B3GLCT: variants seen among roughly 807,000 people sequenced by gnomAD.
B3GLCT encodes the protein beta 3-glucosyltransferase, also known as beta-1,3-glucosyltransferase.
B3GLCT carries 65 observed loss-of-function variants against 63.4 expected under a neutral mutation model. The ratio of observed to expected loss-of-function variants is 1.03; its 90% CI spans 0.84 to 1.26. B3GLCT has a LOEUF of 1.26. B3GLCT is among the 50% of genes most tolerant of loss of function. The pLI is 0.00. For synonymous variants in B3GLCT, 233 were observed against 219.2 expected (o/e 1.06, Z -0.55); for missense variants, 577 against 604.8 (o/e 0.95, Z 0.48).
At chr13:31,225,165 C>T (rs1465931301) in intron 3 of B3GLCT, among the ~76,000 whole-genome samples, 1 of 152,216 alleles carries the variant, frequency 6.6e-6, no homozygotes, top group Non-Finnish European at 1.5e-5. Flanking sequence ...GTGTGCGGCC[C>T]ATTTATTGCC....
intron 12 of B3GLCT, among the ~76,000 whole-genome samples, chr13:31,315,631 G>A (rs1593316802): frequency 1.3e-5 from 2 of 152,346 alleles, no homozygotes; most frequent in African/African-American, 2.4e-5. Flanking sequence ...CTGACTGTGA[G>A]GTGAAAAAGA....
At chr13:31,210,217 A>G (rs905442380) in intron 1 of B3GLCT, among the ~76,000 whole-genome samples, 1 of 152,250 alleles carries the variant, frequency 6.6e-6, no homozygotes, top group East Asian at 1.9e-4. Context: ...CACTTTAAAT[A>G]TAGTTCCCTG....
At chr13:31,249,816 G>T (rs1195944592) in intron 6 of B3GLCT, among the ~76,000 whole-genome samples, 1 of 152,122 alleles carries the variant, frequency 6.6e-6, no homozygotes, top group Non-Finnish European at 1.5e-5. Context: ...AAACCAGTGT[G>T]ATTTTTTTGT....
At position 31,200,054 on chromosome 13, in the gene B3GLCT, C is replaced by A; in HGVS notation, c.-31C>A. On this transcript the variant is annotated 5_prime_UTR_variant, in exon 1 of 15. Transcript: ENST00000343307. ...CCCCGCGCGTCTCCCTTCCCCGCGC[C>A]CAGGTAGGGCGCTCAGCCTCCGCCG... The A allele has an allele frequency of 7.5e-7, 1 of 1,324,656 alleles. No individual in the cohort carries two copies. The highest frequency in any genetic ancestry group is 9.8e-7 in the Non-Finnish European group (1 of 1,025,330). The allele number at this position is 1,324,656 out of a possible 1,614,324, so 82.1% of individuals were successfully genotyped here.
At chr13:31,217,279 A>G (rs9529249) in intron 2 of B3GLCT, among the ~76,000 whole-genome samples, 90,117 of 151,932 alleles carry the variant, frequency 0.59, 28,874 homozygotes, top group Middle Eastern at 0.75. Flanking sequence ...TCCTTTACCC[A>G]TTTTTTAAAT....
chr13:31,302,358 A>C (rs188542199), intron 12 of B3GLCT, among the ~76,000 whole-genome samples: 4,353 of 152,024 alleles, frequency 0.029, 89 homozygotes, highest in Non-Finnish European at 0.045. Context: ...TCCGGTCTAC[A>C]GCTCCCAGCG....
chr13:31,247,149 C>G lies in B3GLCT; in HGVS notation c.347+50C>G, dbSNP rs759565170. Reference sequence around the variant, plus strand: ...AATTACTGACATTCCTACCTGAACACTTTTACGCCCTTAGTCTTTTTATTA... The same window carrying G: ...AATTACTGACATTCCTACCTGAACAGTTTTACGCCCTTAGTCTTTTTATTA... On this transcript the variant is annotated intron_variant, in intron 5 of 14. Coordinates refer to ENST00000343307, the MANE Select transcript of B3GLCT (RefSeq NM_194318.4). The G allele has an allele frequency of 1.8e-5, 24 of 1,362,736 alleles. No homozygotes were observed. The South Asian group carries it at 2.6e-4, about 15-fold the overall frequency. The allele number at this position is 1,362,736 out of a possible 1,614,324, so 84.4% of individuals were successfully genotyped here. A position where few individuals can be genotyped will look rare whatever the true frequency, so the allele number is the denominator to read the frequency against.
intron 5 of B3GLCT, among the ~76,000 whole-genome samples, chr13:31,247,516 G>A (rs552344614): frequency 5.3e-5 from 8 of 152,186 alleles, no homozygotes; most frequent in African/African-American, 7.2e-5. Flanking sequence ...CTTGTGATCC[G>A]TCTGCCTTGG....
chr13:31,297,592 A>G lies in B3GLCT; in HGVS notation c.1064+10773A>G. 1.3e-5 allele frequency among the ~76,000 whole-genome samples: 2 copies of G among 152,106 alleles called. 1 individual carries two copies. The highest frequency in any genetic ancestry group is 3.9e-4 in the East Asian group (2 of 5,176). ...AAGCAATCAATCAGTTCTGCAGTGG[A>G]CACCAAATGGGTGTCCTTTAATTCA... On this transcript the variant is annotated intron_variant, in intron 12 of 14. Coordinates refer to ENST00000343307, the MANE Select transcript of B3GLCT (RefSeq NM_194318.4).
At chr13:31,262,097 G>A (rs753244714) in intron 7 of B3GLCT, among the ~76,000 whole-genome samples, 2 of 152,178 alleles carry the variant, frequency 1.3e-5, no homozygotes, top group African/African-American at 4.8e-5. Context: ...ATTGAGACTC[G>A]TAGCAAAGGA....
At chr13:31,310,890 A>G (rs1369120445) in intron 12 of B3GLCT, among the ~76,000 whole-genome samples, 2 of 152,218 alleles carry the variant, frequency 1.3e-5, no homozygotes, top group Admixed American at 6.5e-5. Context: ...TGCCCAGCCC[A>G]GCTATGGGCT....
At chr13:31,300,874 A>G (rs1228686267) in intron 12 of B3GLCT, among the ~76,000 whole-genome samples, 1 of 152,164 alleles carries the variant, frequency 6.6e-6, no homozygotes, top group Admixed American at 6.5e-5. Flanking sequence ...CCCTGATCCT[A>G]ATCTTGTGGT....
At chr13:31,310,890 A>T (rs1369120445) in intron 12 of B3GLCT, among the ~76,000 whole-genome samples, 1 of 152,218 alleles carries the variant, frequency 6.6e-6, no homozygotes, top group African/African-American at 2.4e-5. Context: ...TGCCCAGCCC[A>T]GCTATGGGCT....
chr13:31,220,996 A>G (rs1006716534), intron 2 of B3GLCT, among the ~76,000 whole-genome samples: 1 of 152,206 alleles, frequency 6.6e-6, no homozygotes, highest in African/African-American at 2.4e-5. Flanking sequence ...TATTTTTTAA[A>G]GCATGCTTCC....
At chr13:31,317,885 A>C (rs1263067625) in intron 13 of B3GLCT, among the ~76,000 whole-genome samples, 200 bp downstream of exon 13, 1 of 152,096 alleles carries the variant, frequency 6.6e-6, no homozygotes, top group Non-Finnish European at 1.5e-5. Context: ...CCCTTGAAGA[A>C]ATGATATAAA....
At chr13:31,298,384 T>C (rs1262686876) in intron 12 of B3GLCT, among the ~76,000 whole-genome samples, 1 of 152,230 alleles carries the variant, frequency 6.6e-6, no homozygotes, top group African/African-American at 2.4e-5. Context: ...CTATATTGTA[T>C]TAATGTTTCC....
At chr13:31,225,359 G>A (rs1478068414) in intron 3 of B3GLCT, among the ~76,000 whole-genome samples, 2 of 152,204 alleles carry the variant, frequency 1.3e-5, no homozygotes, top group African/African-American at 4.8e-5. Flanking sequence ...CATACACAGA[G>A]AAGACAGCTA....
At chr13:31,223,391 G>A (rs1227275346) in intron 3 of B3GLCT, among the ~76,000 whole-genome samples, 2 of 152,148 alleles carry the variant, frequency 1.3e-5, no homozygotes, top group East Asian at 1.9e-4. Flanking sequence ...CAGGCCGTCC[G>A]GGAGCAGGCT....
chr13:31,246,443 A>G (rs1297496283), intron 4 of B3GLCT, among the ~76,000 whole-genome samples: 1 of 152,162 alleles, frequency 6.6e-6, no homozygotes, highest in Non-Finnish European at 1.5e-5. Context: ...TTATTATGCT[A>G]TTCCTGTTAT....
Sources: allele counts gnomAD v4.1 joint callset (sites outside exome capture counted in the v4.1 genomes callset), GRCh38; gene constraint gnomAD v4.1.1; transcripts MANE v1.5; gene names NCBI Gene and HGNC (gene_info 2026-07-23, HGNC 2026-07-21).